HSF5: variants seen among roughly 807,000 people sequenced by gnomAD.
The protein encoded by HSF5 is heat shock factor protein 5.
In HSF5, 5 loss-of-function variants were observed where a neutral mutation model predicts 50.8. The observed-to-expected ratio is 0.10, with a 90% confidence interval of 0.05 to 0.21. The LOEUF is 0.21. HSF5 is among the 10% of genes least tolerant of loss of function. The pLI is 1.00. For synonymous variants in HSF5, 307 were observed against 307.4 expected, an observed-to-expected ratio of 1.00 and a Z score of 0.02; for missense variants, 564 against 762.6, an observed-to-expected ratio of 0.74 and a Z score of 3.07.
chr17:58,471,842 G>A (rs1313118385), intron 2 of HSF5, among the ~76,000 whole-genome samples: 2 of 152,152 alleles, frequency 1.3e-5, no homozygotes. Flanking sequence ...AGCCTTTAAA[G>A]TGTTAATATC....
At chr17:58,423,044 G>A (rs1974247364) in intron 5 of HSF5, among the ~76,000 whole-genome samples, 1 of 152,006 alleles carries the variant, frequency 6.6e-6, no homozygotes, top group African/African-American at 2.4e-5. Context: ...AGTGTCAAAG[G>A]GATCAAAGTG....
At chr17:58,472,241 G>C (rs1232932763) in intron 2 of HSF5, among the ~76,000 whole-genome samples, 4 of 152,142 alleles carry the variant, frequency 2.6e-5, no homozygotes, top group African/African-American at 9.7e-5. Context: ...GGCTAAGCAG[G>C]GGATCACTTG....
chr17:58,442,274 A>G (rs779000009), intron 5 of HSF5, among the ~76,000 whole-genome samples: 1 of 152,202 alleles, frequency 6.6e-6, no homozygotes, highest in Non-Finnish European at 1.5e-5. Flanking sequence ...CTACCCTAAA[A>G]TTAATTGGCT....
intron 5 of HSF5, among the ~76,000 whole-genome samples, chr17:58,454,186 C>A (rs1185325270): frequency 1.3e-5 from 2 of 151,776 alleles, no homozygotes; most frequent in Non-Finnish European, 2.9e-5. Flanking sequence ...CCAAATCCCC[C>A]TCTGCGAGAA....
intron 2 of HSF5, 63 bp downstream of exon 2, chr17:58,479,828 AAT>A (rs932812271): frequency 9.6e-5 from 130 of 1,356,246 alleles, no homozygotes; most frequent in South Asian, 1.0e-4. Flanking sequence ...ATGCATTTAA[AAT>A]ATATATATAT....
rs1975017595 is a variant in HSF5 at position 58,476,781 on chromosome 17, C to G, written c.925+3112G>C. ...TGGCGGAGTTTGTTATATTTCTGTT[C>G]TACTTTCAAAATCTCCTCACTGGCT... is the stretch of plus-strand genomic sequence containing the variant. On this transcript the variant is annotated intron_variant, in intron 2 of 5. Transcript: ENST00000323777. 1.4e-5 allele frequency: 23 copies of G among 1,597,336 alleles called. No homozygotes were observed. In the South Asian group the frequency reaches 2.3e-4, roughly 16 times the overall value.
chr17:58,482,893 T>C (rs1975118628), intron 1 of HSF5, among the ~76,000 whole-genome samples: 1 of 151,198 alleles, frequency 6.6e-6, no homozygotes, highest in East Asian at 1.9e-4. Flanking sequence ...TGAGCCATGT[T>C]CATGCCACTG....
chr17:58,431,619 T>C (rs1398621154), intron 5 of HSF5, among the ~76,000 whole-genome samples: 4 of 152,126 alleles, frequency 2.6e-5, no homozygotes, highest in Non-Finnish European at 5.9e-5. Flanking sequence ...CCAAAACATA[T>C]CTTAGTTTTC....
At chr17:58,454,208 T>A (rs1974677636) in intron 5 of HSF5, among the ~76,000 whole-genome samples, 1 of 149,358 alleles carries the variant, frequency 6.7e-6, no homozygotes, top group Non-Finnish European at 1.5e-5. Flanking sequence ...CACCCAAGAA[T>A]GATCAATAAA....
intron 4 of HSF5, among the ~76,000 whole-genome samples, chr17:58,459,426 T>C (rs1271765761): frequency 6.6e-6 from 1 of 152,016 alleles, no homozygotes; most frequent in Non-Finnish European, 1.5e-5. Context: ...GGTGGGCAGA[T>C]CATGAGGTCA....
intron 5 of HSF5, among the ~76,000 whole-genome samples, chr17:58,428,454 T>A (rs914536807): frequency 6.6e-6 from 1 of 151,992 alleles, no homozygotes; most frequent in Non-Finnish European, 1.5e-5. Flanking sequence ...GGTCAGGAGA[T>A]CGAGACCATC....
chr17:58,459,716 G>A (rs940303828), intron 4 of HSF5, among the ~76,000 whole-genome samples: 12 of 151,794 alleles, frequency 7.9e-5, no homozygotes, highest in African/African-American at 2.9e-4. Flanking sequence ...GTAACTCCTG[G>A]TCTCAGGGGA....
At chr17:58,434,727 G>A (rs1481701222) in intron 5 of HSF5, among the ~76,000 whole-genome samples, 2 of 152,056 alleles carry the variant, frequency 1.3e-5, no homozygotes, top group Non-Finnish European at 2.9e-5. Context: ...GGTGGCATGA[G>A]CCTGTGGTCC....
intron 5 of HSF5, among the ~76,000 whole-genome samples, chr17:58,423,943 G>C (rs760400084): frequency 4.6e-5 from 7 of 152,182 alleles, no homozygotes; most frequent in Middle Eastern, 3.2e-3. Context: ...GCCCGAGCAG[G>C]ATAGCTGATT....
At chr17:58,472,542 T>C (rs1379977064) in intron 2 of HSF5, among the ~76,000 whole-genome samples, 1 of 152,166 alleles carries the variant, frequency 6.6e-6, no homozygotes, top group East Asian at 1.9e-4. Flanking sequence ...GTAAATAGTG[T>C]TTAAATTTTA....
chr17:58,462,755 T>C lies in HSF5; in HGVS notation c.1542+27A>G, dbSNP rs757579526. 3.2e-6 allele frequency: 5 copies of C among 1,554,756 alleles called. No homozygotes were observed. The African/African-American group carries it at 6.9e-5, about 21-fold the overall frequency. On this transcript the variant is annotated intron_variant, in intron 4 of 5. Transcript: ENST00000323777. Reference sequence around the variant, plus strand: ...GAAGTACTAGGTACTTTGAGCTTTATAAGCATTTTTTTCTTTGCCCCCTTA... The same window carrying C: ...GAAGTACTAGGTACTTTGAGCTTTACAAGCATTTTTTTCTTTGCCCCCTTA...
chr17:58,443,022 C>A (rs1974518056), intron 5 of HSF5, among the ~76,000 whole-genome samples: 1 of 152,026 alleles, frequency 6.6e-6, no homozygotes, highest in South Asian at 2.1e-4. Context: ...CATTCTCCTG[C>A]CTCAGTTCCC....
At chr17:58,459,364 TA>T (rs1974759158) in intron 4 of HSF5, among the ~76,000 whole-genome samples, 1 of 152,080 alleles carries the variant, frequency 6.6e-6, no homozygotes, top group Non-Finnish European at 1.5e-5. Context: ...AGTTTTTTTG[TA>T]GGCCGGGCGC....
intron 5 of HSF5, among the ~76,000 whole-genome samples, chr17:58,443,707 A>G (rs1005147237): frequency 1.3e-5 from 2 of 152,234 alleles, no homozygotes; most frequent in African/African-American, 4.8e-5. Flanking sequence ...TGTAACCATA[A>G]AGTAATGAGA....
Sources: gnomAD v4.1 joint callset for allele counts (sites outside exome capture counted in the v4.1 genomes callset) on GRCh38, gnomAD v4.1.1 for gene constraint, MANE v1.5 for transcripts, NCBI Gene and HGNC (gene_info 2026-07-23, HGNC 2026-07-21) for gene names.